Variants in ICE1 observed in about 807,000 individuals in gnomAD.
The protein encoded by ICE1 is interactor of little elongation complex ELL subunit 1, also known as little elongation complex subunit 1.
A neutral mutation model predicts 192.7 loss-of-function variants in ICE1; 64 were observed. The ratio of observed to expected loss-of-function variants is 0.33; its 90% CI spans 0.27 to 0.41. The LOEUF is 0.41. Among genes scored for constraint, ICE1 ranks in the 10% least tolerant of loss-of-function variants. The pLI is 1.00. For missense variants in ICE1, 2,708 were observed against 2,696.0 expected (o/e 1.00, Z -0.10); for synonymous variants, 1,010 against 984.5 (o/e 1.03, Z -0.49).
In ICE1 at chr5:5,447,700, AT is replaced by A; in HGVS notation, c.508-19del. 1 of 1,557,408 alleles carries A rather than the reference AT, an allele frequency of 6.4e-7. No homozygotes were observed. The highest frequency in any genetic ancestry group is 1.4e-5 in the African/African-American group (1 of 73,732). On this transcript the variant is annotated intron_variant, in intron 8 of 18. Transcript: ENST00000296564. ...GCACTTCTTATTCAGCATAAACACTATTAATATTTTGTTTTCACAGGAAAGG... is the reference window on the plus strand; with the variant it reads ...GCACTTCTTATTCAGCATAAACACTATAATATTTTGTTTTCACAGGAAAGG...
At chr5:5,471,477 T>A (rs1282408109) in intron 15 of ICE1, among the ~76,000 whole-genome samples, 1 of 152,076 alleles carries the variant, frequency 6.6e-6, no homozygotes, top group Non-Finnish European at 1.5e-5. Context: ...TAAAACCCAA[T>A]TAAAAATGCT....
chr5:5,432,051 A>G (rs989049481), intron 1 of ICE1, among the ~76,000 whole-genome samples: 2 of 152,206 alleles, frequency 1.3e-5, no homozygotes, highest in Non-Finnish European at 2.9e-5. Flanking sequence ...TTGAAATATA[A>G]TTTACATATA....
chr5:5,487,342 G>A (rs367879655), intron 18 of ICE1, among the ~76,000 whole-genome samples: 6 of 152,260 alleles, frequency 3.9e-5, no homozygotes, highest in African/African-American at 1.4e-4. Flanking sequence ...TCTCTTGTGG[G>A]AGAAGCTTAA....
intron 3 of ICE1, among the ~76,000 whole-genome samples, chr5:5,439,318 C>T (rs1737969812): frequency 1.3e-5 from 2 of 152,194 alleles, no homozygotes; most frequent in South Asian, 4.1e-4. Context: ...GATAAAAATA[C>T]AGGAATTCCT....
chr5:5,446,748 AT>A, intron 7 of ICE1, among the ~76,000 whole-genome samples: 1 of 152,340 alleles, frequency 6.6e-6, no homozygotes. Context: ...GAGAAAAAAA[AT>A]ATCCAAACTT....
intron 1 of ICE1, among the ~76,000 whole-genome samples, chr5:5,435,992 A>G (rs1027172888): frequency 3.9e-5 from 6 of 152,140 alleles, no homozygotes; most frequent in Admixed American, 3.9e-4. Context: ...TTTTCACTTA[A>G]TCTTAGTCCA....
At chr5:5,447,973 A>C in intron 10 of ICE1, 76 bp downstream of exon 10, 2 of 1,178,194 alleles carry the variant, frequency 1.7e-6, no homozygotes, top group Non-Finnish European at 2.4e-6. Flanking sequence ...TTGCTCCTAC[A>C]TATAATTGTG....
intron 1 of ICE1, among the ~76,000 whole-genome samples, chr5:5,423,355 G>C (rs1033956250): frequency 6.6e-6 from 1 of 152,130 alleles, no homozygotes; most frequent in African/African-American, 2.4e-5. Flanking sequence ...GCCGAGGGCA[G>C]TTATCTCCCT....
intron 18 of ICE1, 70 bp from the exon 19 acceptor site, chr5:5,489,079 G>GT (rs1341603581): frequency 3.1e-6 from 4 of 1,306,318 alleles, no homozygotes; most frequent in Non-Finnish European, 3.2e-6. Flanking sequence ...TATTCCAGTA[G>GT]GTTACATCAC....
At chr5:5,453,649 A>G (rs1389993701) in intron 10 of ICE1, among the ~76,000 whole-genome samples, 1 of 152,196 alleles carries the variant, frequency 6.6e-6, no homozygotes, top group Non-Finnish European at 1.5e-5. Flanking sequence ...TTGAATTTTA[A>G]TTCGTGTGGG....
At chr5:5,479,892 A>G (rs773636974) in intron 17 of ICE1, among the ~76,000 whole-genome samples, 4 of 152,132 alleles carry the variant, frequency 2.6e-5, no homozygotes, top group Admixed American at 6.5e-5. Flanking sequence ...TTGAACAGTG[A>G]GAACACATGG....
At chr5:5,427,338 T>C (rs1399323144) in intron 1 of ICE1, among the ~76,000 whole-genome samples, 1 of 152,180 alleles carries the variant, frequency 6.6e-6, no homozygotes, top group African/African-American at 2.4e-5. Context: ...TCTAGTCATA[T>C]TATGTATTAT....
At chr5:5,482,772 C>T (rs1410696768) in intron 17 of ICE1, among the ~76,000 whole-genome samples, 1 of 106,530 alleles carries the variant, frequency 9.4e-6, no homozygotes, top group Non-Finnish European at 1.9e-5. Context: ...ACCCCCACCC[C>T]CCAACACACA....
intron 11 of ICE1, among the ~76,000 whole-genome samples, chr5:5,455,663 G>T (rs2111368178): frequency 6.6e-6 from 1 of 152,182 alleles, no homozygotes; most frequent in South Asian, 2.1e-4. Flanking sequence ...TGGTATCTTT[G>T]GAATCTTATT....
At chr5:5,476,142 G>T (rs1363971895) in intron 17 of ICE1, 63 bp downstream of exon 17, 21 of 895,028 alleles carry the variant, frequency 2.3e-5, no homozygotes, top group Non-Finnish European at 3.3e-5. Context: ...AAGGCTGGGG[G>T]GTTAACTGTA....
chr5:5,443,296 C>A, intron 6 of ICE1, 52 bp downstream of exon 6: 2 of 971,726 alleles, frequency 2.1e-6, no homozygotes, highest in Non-Finnish European at 3.0e-6. Context: ...TTTGAAAATA[C>A]GTAATTCTTA....
At chr5:5,488,431 G>A (rs1387047915) in intron 18 of ICE1, among the ~76,000 whole-genome samples, 1 of 152,116 alleles carries the variant, frequency 6.6e-6, no homozygotes, top group Non-Finnish European at 1.5e-5. Flanking sequence ...TTCCTTTGTG[G>A]GTCATGTTGA....
At chr5:5,440,126 A>T (rs182110672) in intron 4 of ICE1, among the ~76,000 whole-genome samples, 4 of 152,358 alleles carry the variant, frequency 2.6e-5, no homozygotes, top group African/African-American at 9.6e-5. Context: ...AAGGTCTTGA[A>T]TTACAACTGG....
chr5:5,460,385 A>C (rs1738730952), intron 12 of ICE1, 51 bp from the exon 13 acceptor site: 4 of 1,078,264 alleles, frequency 3.7e-6, no homozygotes, highest in Admixed American at 2.8e-5. Context: ...ATTGATAGTC[A>C]TGTTAATCTG....
Sources: gnomAD v4.1 joint callset for allele counts (sites outside exome capture counted in the v4.1 genomes callset) on GRCh38, gnomAD v4.1.1 for gene constraint, MANE v1.5 for transcripts, NCBI Gene and HGNC (gene_info 2026-07-23, HGNC 2026-07-21) for gene names.